Variants in GSK3B observed in about 807,000 individuals in gnomAD.
The protein encoded by GSK3B is glycogen synthase kinase-3 beta.
A neutral mutation model predicts 56.4 loss-of-function variants in GSK3B; 15 were observed. The observed-to-expected ratio is 0.27, with a 90% confidence interval of 0.18 to 0.41. The LOEUF (loss-of-function observed/expected upper bound fraction) is 0.41. Ranked by LOEUF, GSK3B falls within the 10% of genes least tolerant of loss-of-function variation. The probability of loss-of-function intolerance (pLI) is 1.00; values close to 1 mark genes in which losing one functional copy is unlikely to be tolerated. For synonymous variants in GSK3B, 181 were observed against 188.9 expected, an observed-to-expected ratio of 0.96 and a Z score of 0.34; for missense variants, 300 against 513.4, an observed-to-expected ratio of 0.58 and a Z score of 4.02.
intron 1 of GSK3B, among the ~76,000 whole-genome samples, chr3:120,069,850 CT>C (rs2058311649): frequency 6.6e-6 from 1 of 152,076 alleles, no homozygotes; most frequent in Non-Finnish European, 1.5e-5. Flanking sequence ...TCTTAATGCC[CT>C]ATAAAATATA....
intron 9 of GSK3B, among the ~76,000 whole-genome samples, chr3:119,862,309 G>A (rs2056114893): frequency 7.7e-6 from 1 of 129,590 alleles, no homozygotes; most frequent in Non-Finnish European, 1.6e-5. Flanking sequence ...TCACTCATAG[G>A]TGGGAATTGA....
intron 9 of GSK3B, among the ~76,000 whole-genome samples, chr3:119,847,908 A>G (rs369285413): frequency 6.6e-6 from 1 of 152,204 alleles, no homozygotes; most frequent in East Asian, 1.9e-4. Flanking sequence ...TGACCAACCT[A>G]TCCAACTGTT....
chr3:119,877,812 T>C (rs996404310), intron 7 of GSK3B, among the ~76,000 whole-genome samples: 3 of 152,184 alleles, frequency 2.0e-5, no homozygotes, highest in African/African-American at 7.2e-5. Flanking sequence ...AGAAAGTACA[T>C]GGACCTGGCT....
chr3:119,941,521 C>A (rs867665082), intron 3 of GSK3B, among the ~76,000 whole-genome samples: 1 of 152,116 alleles, frequency 6.6e-6, no homozygotes, highest in Non-Finnish European at 1.5e-5. Context: ...ACTTACTTAA[C>A]GGCTGTTGTA....
At chr3:119,989,056 G>A (rs1156914289) in intron 2 of GSK3B, among the ~76,000 whole-genome samples, 1 of 151,894 alleles carries the variant, frequency 6.6e-6, no homozygotes, top group Non-Finnish European at 1.5e-5. Flanking sequence ...AAAATAAGTC[G>A]GGCTTTCTTA....
At chr3:120,075,824 C>T (rs898537551) in intron 1 of GSK3B, among the ~76,000 whole-genome samples, 3 of 151,916 alleles carry the variant, frequency 2.0e-5, no homozygotes, top group Non-Finnish European at 2.9e-5. Flanking sequence ...ACAGATTCAA[C>T]GCAATTCCTA....
intron 1 of GSK3B, among the ~76,000 whole-genome samples, chr3:120,039,065 G>C (rs531694851): frequency 1.6e-4 from 25 of 152,266 alleles, no homozygotes; most frequent in African/African-American, 5.5e-4. Flanking sequence ...AAGATATACA[G>C]GTAGCAAATA....
chr3:119,862,492 T>C (rs548714248), intron 9 of GSK3B, among the ~76,000 whole-genome samples: 1,861 of 115,246 alleles, frequency 0.016, 52 homozygotes, highest in African/African-American at 0.058. Context: ...ACCTGCACAA[T>C]GTGCACATGT....
At chr3:120,047,433 A>T (rs553860510) in intron 1 of GSK3B, among the ~76,000 whole-genome samples, 2 of 152,314 alleles carry the variant, frequency 1.3e-5, no homozygotes, top group African/African-American at 4.8e-5. Context: ...AAAGACGAAC[A>T]CACACTAAAC....
chr3:119,839,653 C>A (rs1470985734), intron 10 of GSK3B, among the ~76,000 whole-genome samples: 1 of 152,116 alleles, frequency 6.6e-6, no homozygotes, highest in Non-Finnish European at 1.5e-5. Context: ...GATGTAAGGT[C>A]ATTTTTAGAT....
At chr3:119,864,355 T>C (rs886851595) in intron 8 of GSK3B, among the ~76,000 whole-genome samples, 7 of 152,190 alleles carry the variant, frequency 4.6e-5, no homozygotes, top group African/African-American at 7.2e-5. Context: ...CTTAAAGGAA[T>C]AGATAGCTTT....
At chr3:119,916,940 T>C (rs2056787078) in intron 4 of GSK3B, among the ~76,000 whole-genome samples, 1 of 152,170 alleles carries the variant, frequency 6.6e-6, no homozygotes, top group Non-Finnish European at 1.5e-5. Flanking sequence ...AGAATCAGAC[T>C]CTTGACTGGA....
intron 7 of GSK3B, 125 bp from the exon 8 acceptor site, chr3:119,876,633 A>C (rs1379041265): frequency 1.6e-6 from 1 of 633,640 alleles, no homozygotes; most frequent in East Asian, 2.7e-5. Flanking sequence ...TAACTCATTA[A>C]ATAGAGCAGT....
chr3:119,951,014 G>C (rs1247418686), intron 2 of GSK3B, among the ~76,000 whole-genome samples: 1 of 152,152 alleles, frequency 6.6e-6, no homozygotes, highest in African/African-American at 2.4e-5. Flanking sequence ...AAGGCCCATA[G>C]CTCTGCTAAA....
rs1217334364 is a variant in GSK3B at position 119,999,684 on chromosome 3, G to A, written c.282+2362C>T. ...TTAGAATAGCAAGATCTCCATAGCT[G>A]ACTTGAATCATCTGGGAAGTTTCAT... On this transcript the variant is annotated intron_variant, in intron 2 of 10. Transcript: ENST00000264235. 2.0e-5 allele frequency among the ~76,000 whole-genome samples: 3 copies of A among 152,292 alleles called. No homozygotes were observed. The South Asian group carries it at 6.2e-4, about 32-fold the overall frequency.
intron 7 of GSK3B, among the ~76,000 whole-genome samples, chr3:119,884,108 G>A (rs2056408828): frequency 6.6e-6 from 1 of 152,010 alleles, no homozygotes. Flanking sequence ...ACAGAAAAAA[G>A]AGAAATTGAA....
chr3:119,930,850 A>G (rs1470906224), intron 3 of GSK3B, among the ~76,000 whole-genome samples: 1 of 152,242 alleles, frequency 6.6e-6, no homozygotes, highest in Non-Finnish European at 1.5e-5. Context: ...CTGCATTGCA[A>G]GTAGTGATAT....
At chr3:119,887,419 A>C (rs1287016417) in intron 7 of GSK3B, among the ~76,000 whole-genome samples, 1 of 152,146 alleles carries the variant, frequency 6.6e-6, no homozygotes, top group Non-Finnish European at 1.5e-5. Context: ...AGGACTTTAA[A>C]ATAGCTATTA....
At chr3:119,884,273 C>A (rs184886432) in intron 7 of GSK3B, among the ~76,000 whole-genome samples, 63 of 152,212 alleles carry the variant, frequency 4.1e-4, no homozygotes, top group African/African-American at 1.5e-3. Context: ...GTGTTCACTG[C>A]AGGTGGCCAC....
Sources: allele counts gnomAD v4.1 joint callset (sites outside exome capture counted in the v4.1 genomes callset), GRCh38; gene constraint gnomAD v4.1.1; transcripts MANE v1.5; gene names NCBI Gene and HGNC (gene_info 2026-07-23, HGNC 2026-07-21).